Variants in GARS1 observed in about 807,000 individuals in gnomAD.
GARS1 encodes the protein glycyl-tRNA synthetase 1.
In GARS1, 46 loss-of-function variants were observed where a neutral mutation model predicts 86.4. The observed-to-expected ratio is 0.53, with a 90% CI of 0.42 to 0.68. The LOEUF is 0.68. Ranked by LOEUF, GARS1 falls within the 30% of genes least tolerant of loss-of-function variation. The pLI, the probability that GARS1 is intolerant of heterozygous loss-of-function variation, is 0.00. For synonymous variants in GARS1, 342 were observed against 329.8 expected, an observed-to-expected ratio of 1.04 and a Z score of -0.40; for missense variants, 797 against 915.6, an observed-to-expected ratio of 0.87 and a Z score of 1.67.
intron 6 of GARS1, among the ~76,000 whole-genome samples, chr7:30,605,387 T>C (rs1791460493): frequency 6.6e-6 from 1 of 152,208 alleles, no homozygotes; most frequent in Non-Finnish European, 1.5e-5. Flanking sequence ...TTATGAAAAA[T>C]TCAAAACATA....
chr7:30,617,802 C>G (rs1471636721), intron 10 of GARS1, among the ~76,000 whole-genome samples: 1 of 152,172 alleles, frequency 6.6e-6, no homozygotes, highest in Non-Finnish European at 1.5e-5. Flanking sequence ...CCCCTGTGCC[C>G]TGTCACCCCT....
chr7:30,601,751 CCAA>C (rs1401698991), intron 4 of GARS1, among the ~76,000 whole-genome samples: 1 of 152,158 alleles, frequency 6.6e-6, no homozygotes, highest in Non-Finnish European at 1.5e-5. Context: ...ATTATTCCTA[CCAA>C]CGTTATTGAA....
intron 1 of GARS1, chr7:30,595,950 T>C (rs1791238223): frequency 4.3e-6 from 2 of 470,320 alleles, no homozygotes; most frequent in East Asian, 6.9e-5. Flanking sequence ...GAAGGTTTCA[T>C]GGGCTGAAGG....
At chr7:30,595,667 C>T (rs749141483) in intron 1 of GARS1, among the ~76,000 whole-genome samples, 1 of 152,148 alleles carries the variant, frequency 6.6e-6, no homozygotes, top group African/African-American at 2.4e-5. Context: ...ATAGTGTTTC[C>T]CCCTTAACAT....
In GARS1 at chr7:30,594,948, T is replaced by C; in HGVS notation, c.27T>C (p.Leu9=). MPSPRPVL[L]RGARAALLLL... ...TGCCCTCTCCGCGTCCAGTGCTGCT[T>C]AGAGGTGCTCGCGCCGCTCTGCTGC... Residue 9 remains leucine (L), a synonymous_variant, in exon 1 of 17, where the codon CTT becomes CTC. Coordinates refer to ENST00000389266, the MANE Select transcript of GARS1 (RefSeq NM_002047.4). The C allele has an allele frequency of 6.3e-7, 1 of 1,595,906 alleles. No individual in the cohort carries two copies.
At position 30,603,665 on chromosome 7, in the gene GARS1, C is replaced by A. The variant is rs150378391; in HGVS notation, c.735+93C>A. 6,105 of 896,020 alleles carry A rather than the reference C, an allele frequency of 6.8e-3. 41 individuals are homozygous for A. The highest frequency in any genetic ancestry group is 0.016 in the Middle Eastern group (73 of 4,694). 55.5% of individuals were successfully genotyped at this position (896,020 alleles called of 1,614,324 possible). A position where few individuals can be genotyped will look rare whatever the true frequency, so the allele number is the denominator to read the frequency against. On this transcript the variant is annotated intron_variant, in intron 6 of 16. Transcript: ENST00000389266. ...CTGTTGCATTTCCCATTATGCTGACCCTGGCCACATTGTAATGAAGCAGAG... is the reference window on the plus strand; with the variant it reads ...CTGTTGCATTTCCCATTATGCTGACACTGGCCACATTGTAATGAAGCAGAG...
chr7:30,615,834 TTTTG>T lies in GARS1; in HGVS notation c.1032-50_1032-47del, dbSNP rs532530168. 223 of 1,574,128 alleles carry T rather than the reference TTTTG, an allele frequency of 1.4e-4. No homozygotes were observed. In the South Asian group the frequency reaches 1.5e-3, roughly 11 times the overall value. ...TGCAGTTGAAAATAGAGGCCTTGTT[TTTTG>T]TTTGTTTGTTTTTTGTAGTTAAATA... On this transcript the variant is annotated intron_variant, in intron 8 of 16. Coordinates refer to ENST00000389266, the MANE Select transcript of GARS1 (RefSeq NM_002047.4).
chr7:30,622,183 A>T, intron 11 of GARS1, 134 bp from the exon 12 acceptor site: 1 of 1,046,734 alleles, frequency 9.6e-7, no homozygotes, highest in Non-Finnish European at 1.4e-6. Context: ...CTTGCCTTAA[A>T]ATCAGCATAA....
intron 13 of GARS1, among the ~76,000 whole-genome samples, chr7:30,627,540 C>G (rs1028273488): frequency 1.3e-5 from 2 of 152,200 alleles, no homozygotes; most frequent in Non-Finnish European, 2.9e-5. Flanking sequence ...TAGACCTGGA[C>G]ATTGCTTAGC....
At chr7:30,631,339 C>A in intron 14 of GARS1, 109 bp from the exon 15 acceptor site, 1 of 812,460 alleles carries the variant, frequency 1.2e-6, no homozygotes, top group Non-Finnish European at 2.1e-6. Flanking sequence ...TTGGTAATGA[C>A]GTTATGCTTG....
intron 10 of GARS1, 25 bp from the exon 11 acceptor site, chr7:30,621,368 G>GT (rs1424562664): frequency 2.5e-6 from 4 of 1,585,128 alleles, no homozygotes; most frequent in African/African-American, 2.7e-5. Flanking sequence ...AGTAAGTAAT[G>GT]TTTTTATTGA....
chr7:30,628,693 T>A, intron 14 of GARS1, 24 bp downstream of exon 14: 1 of 1,490,446 alleles, frequency 6.7e-7, no homozygotes, highest in Non-Finnish European at 9.4e-7. Flanking sequence ...TACAGTGTGC[T>A]GTTATAGTGT....
At chr7:30,631,989 A>T (rs1783243345) in intron 15 of GARS1, 1 of 485,114 alleles carries the variant, frequency 2.1e-6, no homozygotes, top group Non-Finnish European at 3.7e-6. Flanking sequence ...TGGAGTCAGG[A>T]CTCACCTTCT....
intron 6 of GARS1, among the ~76,000 whole-genome samples, chr7:30,605,241 C>T (rs908055795): frequency 1.4e-4 from 21 of 152,344 alleles, no homozygotes; most frequent in South Asian, 4.1e-4. Flanking sequence ...CCCTGATTCA[C>T]CTTCTGTGGT....
chr7:30,595,960 G>GA, intron 1 of GARS1: 1 of 468,172 alleles, frequency 2.1e-6, no homozygotes, highest in Non-Finnish European at 4.4e-6. Flanking sequence ...TGGGCTGAAG[G>GA]ACTTGGTGAT....
chr7:30,633,652 G>A lies in GARS1; in HGVS notation c.2095-83G>A, dbSNP rs564612830. 2.0e-6 allele frequency: 3 copies of A among 1,527,976 alleles called. No homozygotes were observed. The East Asian group carries it at 6.7e-5, about 34-fold the overall frequency. The allele number at this position is 1,527,976 out of a possible 1,614,324, so 94.7% of individuals were successfully genotyped here. A position where few individuals can be genotyped will look rare whatever the true frequency, so the allele number is the denominator to read the frequency against. On this transcript the variant is annotated intron_variant, in intron 16 of 16. Transcript: ENST00000389266. ...CATGACATTGTTTGGCTCTGTGTAA[G>A]GTTTCCTGAGTTCAGGATGAATCTT...
At position 30,623,114 on chromosome 7, in the gene GARS1, CA is replaced by C. The variant is rs1205425678; in HGVS notation, c.1613+664del. Among the ~76,000 whole-genome samples the C allele has an allele frequency of 3.0e-3, 381 of 126,586 alleles. 1 individual carries two copies. Among genetic ancestry groups the C allele is most frequent in the African/African-American group, 7.4e-3 (256 of 34,430 alleles). The allele number at this position is 126,586 out of a possible 152,430, so 83.0% of individuals were successfully genotyped here. Reference sequence around the variant, plus strand: ...AGACTCCGTCTCAAAAAAAAAAAAACAAAAAAAAAAAATAGAGAAAAGCCTT... The same window carrying C: ...AGACTCCGTCTCAAAAAAAAAAAAACAAAAAAAAAAATAGAGAAAAGCCTT... On this transcript the variant is annotated intron_variant, in intron 12 of 16. Transcript: ENST00000389266.
At chr7:30,628,374 G>A (rs1203325463) in intron 13 of GARS1, 186 bp from the exon 14 acceptor site, 10 of 466,140 alleles carry the variant, frequency 2.1e-5, no homozygotes, top group Middle Eastern at 6.0e-4. Flanking sequence ...TAGTAGAGAC[G>A]GGGTTTCACC....
intron 10 of GARS1, among the ~76,000 whole-genome samples, chr7:30,618,607 C>G (rs545320640): frequency 4.5e-4 from 69 of 152,138 alleles, no homozygotes; most frequent in Admixed American, 1.4e-3. Context: ...GAACTCAAGC[C>G]TGGGTGACAG....
Sources: gnomAD v4.1 joint callset for allele counts (sites outside exome capture counted in the v4.1 genomes callset) on GRCh38, gnomAD v4.1.1 for gene constraint, MANE v1.5 for transcripts, NCBI Gene and HGNC (gene_info 2026-07-23, HGNC 2026-07-21) for gene names.